Variants in CAMSAP2 observed in about 807,000 individuals in gnomAD.
The protein encoded by CAMSAP2 is calmodulin regulated spectrin associated protein family member 2.
Under a neutral mutation model 146.1 loss-of-function variants are expected in CAMSAP2, and 26 were observed. The ratio of observed to expected loss-of-function variants is 0.18; its 90% CI spans 0.13 to 0.25. The LOEUF is 0.25. Among genes scored for constraint, CAMSAP2 ranks in the 10% least tolerant of loss-of-function variants. The pLI, the probability that CAMSAP2 is intolerant of heterozygous loss-of-function variation, is 1.00. For missense variants in CAMSAP2, 1,381 were observed against 1,759.3 expected (o/e 0.78, Z 3.85); for synonymous variants, 499 against 596.6 (o/e 0.84, Z 2.38).
chr1:200,754,784 G>A (rs779289985), intron 1 of CAMSAP2, among the ~76,000 whole-genome samples: 2 of 151,964 alleles, frequency 1.3e-5, no homozygotes, highest in Admixed American at 6.6e-5. Flanking sequence ...GGGTTTCACC[G>A]TGTTAGTCAG....
In CAMSAP2 at chr1:200,816,772, A is replaced by G. The variant is rs201288591; in HGVS notation, c.645+1128A>G. Among the ~76,000 whole-genome samples, 8 of 94,722 alleles carry G rather than the reference A, an allele frequency of 8.4e-5. 2 individuals are homozygous for G. Among genetic ancestry groups the G allele is most frequent in the South Asian group, 7.0e-4 (2 of 2,850 alleles). 62.1% of individuals were successfully genotyped at this position (94,722 alleles called of 152,430 possible). ...CGTGTATATATGTGTGTACACACAC[A>G]CGCGTGTATATATGTGTGTACACAC... On this transcript the variant is annotated intron_variant, in intron 4 of 16. Coordinates refer to ENST00000358823, the MANE Select transcript of CAMSAP2 (RefSeq NM_203459.4).
At chr1:200,806,295 A>G (rs1303241057) in intron 2 of CAMSAP2, among the ~76,000 whole-genome samples, 1 of 152,222 alleles carries the variant, frequency 6.6e-6, no homozygotes, top group Non-Finnish European at 1.5e-5. Flanking sequence ...GAAGAAATGC[A>G]AATGGTTGCT....
intron 3 of CAMSAP2, among the ~76,000 whole-genome samples, chr1:200,809,471 C>T (rs1243886800): frequency 6.6e-6 from 1 of 152,228 alleles, no homozygotes; most frequent in Non-Finnish European, 1.5e-5. Flanking sequence ...GGCTCAGTGG[C>T]TCACGCCTGT....
chr1:200,743,646 AGCT>A (rs1558156539), intron 1 of CAMSAP2, among the ~76,000 whole-genome samples: 1 of 152,156 alleles, frequency 6.6e-6, no homozygotes, highest in Non-Finnish European at 1.5e-5. Context: ...ATGATAATAA[AGCT>A]GCTAATATAG....
intron 1 of CAMSAP2, among the ~76,000 whole-genome samples, chr1:200,740,890 C>T (rs1664150248): frequency 6.6e-6 from 1 of 152,096 alleles, no homozygotes; most frequent in African/African-American, 2.4e-5. Context: ...AATTTGGTAA[C>T]TTTTAAGAGT....
intron 2 of CAMSAP2, among the ~76,000 whole-genome samples, chr1:200,802,317 CTG>C (rs1294046087): frequency 6.6e-6 from 1 of 152,190 alleles, no homozygotes; most frequent in African/African-American, 2.4e-5. Flanking sequence ...CTTACTAACT[CTG>C]TGACCAAATG....
Position 200,832,685 on chromosome 1 carries a change from T to G in CAMSAP2, c.788-21T>G. The G allele has an allele frequency of 6.3e-7, 1 of 1,581,390 alleles. No homozygotes were observed. The highest frequency in any genetic ancestry group is 8.6e-7 in the Non-Finnish European group (1 of 1,164,370). On this transcript the variant is annotated intron_variant, in intron 5 of 16. Coordinates refer to ENST00000358823, the MANE Select transcript of CAMSAP2 (RefSeq NM_203459.4). This position sits in a 1 kb window ranked among gnomAD's most constrained non-coding sequence, Gnocchi z 4.2. ...ATCAAATTAATCCAAAGTCACCACC[T>G]TGCTCTTTTCTTATTTGAAGATATT...
chr1:200,822,960 A>AG (rs1434334773), intron 4 of CAMSAP2, among the ~76,000 whole-genome samples: 1 of 152,112 alleles, frequency 6.6e-6, no homozygotes, highest in African/African-American at 2.4e-5. Context: ...ACTATGGGTA[A>AG]GGGGGGGACA....
intron 1 of CAMSAP2, among the ~76,000 whole-genome samples, chr1:200,741,974 G>A (rs1241437582): frequency 1.3e-5 from 2 of 152,142 alleles, no homozygotes; most frequent in Non-Finnish European, 2.9e-5. Context: ...TTTGATTTGA[G>A]GTCTGACTCA....
At position 200,809,476 on chromosome 1, in the gene CAMSAP2, G is replaced by A. The variant is rs529404563; in HGVS notation, c.561+1939G>A. The stretch of plus-strand genomic sequence containing the variant: ...ACCTGAGCCGGGCTCAGTGGCTCAC[G>A]CCTGTAATCCCAGCACTTTGGGAGG... On this transcript the variant is annotated intron_variant, in intron 3 of 16. Transcript: ENST00000358823. Among the ~76,000 whole-genome samples the A allele has an allele frequency of 8.5e-5, 13 of 152,284 alleles. No individual in the cohort carries two copies. The East Asian group carries it at 1.9e-3, about 23-fold the overall frequency.
rs1002456565 is a variant in CAMSAP2, at chr1:200,842,150, C to A, written c.1021+63C>A. ...AGAAAAAAATGGAATGTTGATATAA[C>A]CTTACCTGGTTACATTTTTAGAAAT... On this transcript the variant is annotated intron_variant, in intron 7 of 16. Transcript: ENST00000358823. The A allele has an allele frequency of 5.1e-6, 6 of 1,185,116 alleles. No homozygotes were observed. In the African/African-American group the frequency reaches 6.1e-5, roughly 12 times the overall value. 73.4% of individuals were successfully genotyped at this position (1,185,116 alleles called of 1,614,324 possible).
intron 6 of CAMSAP2, among the ~76,000 whole-genome samples, chr1:200,835,776 G>GCAT (rs1667170053): frequency 6.6e-6 from 1 of 152,034 alleles, no homozygotes; most frequent in African/African-American, 2.4e-5. Flanking sequence ...ACCAGAAAAG[G>GCAT]CATCAACATG....
chr1:200,842,727 G>C (rs1200186760), intron 7 of CAMSAP2, among the ~76,000 whole-genome samples: 1 of 152,088 alleles, frequency 6.6e-6, no homozygotes, highest in Non-Finnish European at 1.5e-5. Context: ...TGTAATCCTA[G>C]CACTTTGAGA....
At chr1:200,755,886 T>C (rs1664634553) in intron 1 of CAMSAP2, among the ~76,000 whole-genome samples, 1 of 152,088 alleles carries the variant, frequency 6.6e-6, no homozygotes, top group African/African-American at 2.4e-5. Context: ...AAAGTGTGTT[T>C]GAGGAGGTTA....
At position 200,739,802 on chromosome 1, in the gene CAMSAP2, G is replaced by T; in HGVS notation, c.-26G>T. ...CACGCCATGTGAAGGTTAGGGCCGG[G>T]ACATCCCGAGGAGCCGCGGTGAAAG... On this transcript the variant is annotated 5_prime_UTR_variant, in exon 1 of 17. Coordinates refer to ENST00000358823, the MANE Select transcript of CAMSAP2 (RefSeq NM_203459.4). This position sits in a 1 kb window ranked among gnomAD's most constrained non-coding sequence, Gnocchi z 4.8. 5 of 1,610,620 alleles carry T rather than the reference G, an allele frequency of 3.1e-6. No homozygotes were observed. The East Asian group carries it at 6.7e-5, about 22-fold the overall frequency.
chr1:200,785,677 A>G (rs1665569069), intron 2 of CAMSAP2, among the ~76,000 whole-genome samples: 2 of 149,668 alleles, frequency 1.3e-5, no homozygotes, highest in African/African-American at 5.0e-5. Context: ...GGCGTGAGCC[A>G]TGTGCCTGGC....
chr1:200,784,897 C>T (rs983230116), intron 2 of CAMSAP2, among the ~76,000 whole-genome samples: 1 of 152,092 alleles, frequency 6.6e-6, no homozygotes. Flanking sequence ...TGTTCTTTTT[C>T]GGGTTAAGGG....
chr1:200,782,782 C>CTTTTTTTTT (rs57995961), intron 2 of CAMSAP2, among the ~76,000 whole-genome samples: 5 of 72,286 alleles, frequency 6.9e-5, no homozygotes, highest in Non-Finnish European at 1.4e-4. Flanking sequence ...TCATTTCTCT[C>CTTTTTTTTT]TTTTTTTTTT....
In CAMSAP2 at chr1:200,849,341, C is replaced by T; in HGVS notation, c.2572C>T (p.Pro858Ser). 3 of 1,614,058 alleles carry T rather than the reference C, an allele frequency of 1.9e-6. No individual in the cohort carries two copies. The highest frequency in any genetic ancestry group is 2.2e-5 in the East Asian group (1 of 44,884). Residue 858 changes from proline (P) to serine (S), a missense_variant, in exon 11 of 17, where the codon CCT (proline) becomes TCT (serine). Physicochemically the swap from Pro to Ser is moderately conservative, Grantham distance 74. Transcript: ENST00000358823. This position sits in a 1 kb window ranked among gnomAD's most constrained non-coding sequence, Gnocchi z 6.3. ...AAAGTCTCCAACTACACCTATTGAT[C>T]CTGAGAAGCAGTGGAACCTGGCAAG... ...WLKSPTTPID[P>S]EKQWNLASPS... is the part of the protein sequence containing the mutation.
Sources: gnomAD v4.1 joint callset for allele counts (sites outside exome capture counted in the v4.1 genomes callset) on GRCh38, gnomAD v4.1.1 for gene constraint, Gnocchi (gnomAD v3.1) non-coding constraint, MANE v1.5 for transcripts, NCBI Gene and HGNC (gene_info 2026-07-23, HGNC 2026-07-21) for gene names.